AP1M1: variants seen among roughly 807,000 people sequenced by gnomAD.
The protein encoded by AP1M1 is AP-1 complex subunit mu-1.
AP1M1 carries 18 observed loss-of-function variants against 57.1 expected under a neutral mutation model. The observed-to-expected ratio is 0.32, with a 90% CI of 0.22 to 0.47. AP1M1 has a LOEUF of 0.47. Ranked by LOEUF, AP1M1 falls within the 20% of genes least tolerant of loss-of-function variation. The pLI, the probability that AP1M1 is intolerant of heterozygous loss-of-function variation, is 1.00. For synonymous variants in AP1M1, 241 were observed against 237.9 expected (o/e 1.01, Z -0.12); for missense variants, 362 against 593.5 (o/e 0.61, Z 4.05).
intron 5 of AP1M1, among the ~76,000 whole-genome samples, chr19:16,210,113 C>T (rs1415111841): frequency 1.3e-5 from 2 of 152,148 alleles, no homozygotes; most frequent in African/African-American, 4.8e-5. Context: ...GTATGAATGG[C>T]GTCATACAGT....
rs71178661 is a variant in AP1M1, at chr19:16,239,239, C to CTTTTTTTTTTTTTT, written c.*4831_*4844dup. 13 of 39,284 alleles carry CTTTTTTTTTTTTTT rather than the reference C, an allele frequency of 3.3e-4. No homozygotes were observed. Among genetic ancestry groups the CTTTTTTTTTTTTTT allele is most frequent in the African/African-American group, 1.2e-3 (13 of 11,282 alleles). 2.4% of individuals were successfully genotyped at this position (39,284 alleles called of 1,614,324 possible). On this transcript the variant is annotated 3_prime_UTR_variant, in exon 12 of 12. Coordinates refer to ENST00000291439, the MANE Select transcript of AP1M1 (RefSeq NM_032493.4). ...TGAGCCACCGCGCCCGGCCAGTTCT[C>CTTTTTTTTTTTTTT]TTTTTTTTTTTTTTTTTTTTTTTTT...
chr19:16,228,886 C>T lies in AP1M1; in HGVS notation c.1005C>T (p.Val335=). The part of the protein sequence containing the change: ...FKTTVGSVKW[V]PENSEIVWSI... ...CGACGGTGGGGAGCGTTAAGTGGGT[C>T]CCCGAGAACAGCGAGATCGTGTGGT... is the stretch of plus-strand genomic sequence containing the variant. Residue 335 remains valine, a synonymous_variant, in exon 9 of 12, where the codon GTC becomes GTT. Transcript: ENST00000291439. This position sits in a 1 kb window ranked among gnomAD's most constrained non-coding sequence, Gnocchi z 5.0. 4 of 1,614,142 alleles carry T rather than the reference C, an allele frequency of 2.5e-6. No individual in the cohort carries two copies. The highest frequency in any genetic ancestry group is 1.1e-5 in the South Asian group (1 of 91,078).
rs552331667 is a variant in AP1M1, at chr19:16,211,294, A to C, written c.546+2117A>C. Among the ~76,000 whole-genome samples the C allele has an allele frequency of 2.6e-5, 4 of 151,992 alleles. No homozygotes were observed. In the East Asian group the frequency reaches 7.8e-4, roughly 29 times the overall value. On this transcript the variant is annotated intron_variant, in intron 5 of 11. Coordinates refer to ENST00000291439, the MANE Select transcript of AP1M1 (RefSeq NM_032493.4). ...TTTTTAGTCGAGACAGGGTTTCACT[A>C]TGTTGGTCAGGGTGGTATCGAACTC...
At chr19:16,223,297 C>T (rs2091554113) in intron 5 of AP1M1, among the ~76,000 whole-genome samples, 1 of 152,158 alleles carries the variant, frequency 6.6e-6, no homozygotes, top group South Asian at 2.1e-4. Context: ...TTCTCAAACT[C>T]TTTCGTAAGT....
chr19:16,217,156 C>T (rs2091522503), intron 5 of AP1M1, among the ~76,000 whole-genome samples: 1 of 152,096 alleles, frequency 6.6e-6, no homozygotes, highest in African/African-American at 2.4e-5. Flanking sequence ...ACACTGGCAG[C>T]AGTGGCTGCT....
chr19:16,229,914 T>A (rs2091588806), intron 9 of AP1M1, among the ~76,000 whole-genome samples: 1 of 152,246 alleles, frequency 6.6e-6, no homozygotes, highest in South Asian at 2.1e-4. Context: ...ACTGTCTTCT[T>A]GGCGGTCACC....
intron 5 of AP1M1, among the ~76,000 whole-genome samples, 195 bp from the exon 6 acceptor site, chr19:16,226,226 G>A (rs558832246): frequency 3.9e-5 from 6 of 152,302 alleles, no homozygotes; most frequent in South Asian, 2.1e-4. Context: ...TCAGCCAGGC[G>A]TGGGTTGGTG....
chr19:16,216,694 A>G (rs1159379178), intron 5 of AP1M1, among the ~76,000 whole-genome samples: 1 of 152,178 alleles, frequency 6.6e-6, no homozygotes, highest in Non-Finnish European at 1.5e-5. Context: ...GGAAGATTTT[A>G]GGGGACCAAG....
At chr19:16,229,557 C>T (rs1314584127) in intron 9 of AP1M1, among the ~76,000 whole-genome samples, 3 of 152,192 alleles carry the variant, frequency 2.0e-5, no homozygotes, top group African/African-American at 7.2e-5. Context: ...TCAGGGCAGG[C>T]GCTGCTTTCC....
At chr19:16,223,483 G>C (rs896400680) in intron 5 of AP1M1, among the ~76,000 whole-genome samples, 1 of 152,198 alleles carries the variant, frequency 6.6e-6, no homozygotes, top group Non-Finnish European at 1.5e-5. Context: ...CCACTTCCCA[G>C]CCCACATGGA....
Position 16,243,432 on chromosome 19 carries a change from C to CTTTTTTTTT in AP1M1, c.*8998_*8999insTTTTTTTTT, listed in dbSNP as rs550578052. On this transcript the variant is annotated 3_prime_UTR_variant, in exon 12 of 12. Transcript: ENST00000291439. ...TACAGGTGAGCACCACCAAGCTCAG[C>CTTTTTTTTT]TATTTTTTTTTTTTTTTTGTATTTT... 1.6e-5 allele frequency: 2 copies of CTTTTTTTTT among 124,264 alleles called. No homozygotes were observed. The highest frequency in any genetic ancestry group is 1.6e-5 in the Non-Finnish European group (1 of 60,832). 7.7% of individuals were successfully genotyped at this position (124,264 alleles called of 1,614,324 possible). A position where few individuals can be genotyped will look rare whatever the true frequency, so the allele number is the denominator to read the frequency against.
intron 9 of AP1M1, among the ~76,000 whole-genome samples, chr19:16,230,828 C>T (rs12461408): frequency 0.68 from 102,836 of 152,058 alleles, 36,426 homozygotes; most frequent in Non-Finnish European, 0.8. Flanking sequence ...GTCAGTGCTT[C>T]CCATGCATAG....
At chr19:16,210,599 G>A (rs1040510052) in intron 5 of AP1M1, among the ~76,000 whole-genome samples, 3 of 152,108 alleles carry the variant, frequency 2.0e-5, no homozygotes, top group African/African-American at 4.8e-5. Flanking sequence ...CGCTCTTGTC[G>A]CCCAGGCTGG....
At position 16,228,903 on chromosome 19, in the gene AP1M1, T is replaced by C; in HGVS notation, c.1022T>C (p.Ile341Thr). The part of the protein sequence containing the change: ...SVKWVPENSE[I>T]VWSIKSFPGG... Reference sequence around the variant, plus strand: ...AAGTGGGTCCCCGAGAACAGCGAGATCGTGTGGTCCATCAAGTCCTTCCCG... The same window carrying C: ...AAGTGGGTCCCCGAGAACAGCGAGACCGTGTGGTCCATCAAGTCCTTCCCG... The change falls in exon 9 of 12, where the codon ATC becomes ACC. Residue 341 changes from isoleucine to threonine, a missense_variant. Transcript: ENST00000291439. The surrounding 1 kb of genome is among the most constrained non-coding windows in gnomAD (Gnocchi z 5.0). The C allele has an allele frequency of 6.2e-7, 1 of 1,613,540 alleles. No individual in the cohort carries two copies. Among genetic ancestry groups the C allele is most frequent in the Non-Finnish European group, 8.5e-7 (1 of 1,179,824 alleles).
intron 5 of AP1M1, among the ~76,000 whole-genome samples, chr19:16,222,101 C>G (rs927066856): frequency 1.3e-5 from 2 of 152,058 alleles, no homozygotes; most frequent in Admixed American, 6.6e-5. Context: ...CTTTTCTTCT[C>G]TCTGTTAGAT....
chr19:16,219,883 C>A, intron 5 of AP1M1, among the ~76,000 whole-genome samples: 1 of 152,054 alleles, frequency 6.6e-6, no homozygotes, highest in East Asian at 1.9e-4. Context: ...GATTTTGGAG[C>A]ATTTTGGATT....
rs902515752 is a variant in AP1M1 at position 16,241,991 on chromosome 19, CA to C, written c.*7567del. 113 of 133,878 alleles carry C rather than the reference CA, an allele frequency of 8.4e-4. No individual in the cohort carries two copies. Among genetic ancestry groups the C allele is most frequent in the Admixed American group, 1.1e-3 (14 of 12,824 alleles). The allele number at this position is 133,878 out of a possible 1,614,324, so 8.3% of individuals were successfully genotyped here. ...CTGGGCAATGAGCGAAACTCCATCT[CA>C]AAAAAAAAAAGAAAGAAAAAGAAAA... On this transcript the variant is annotated 3_prime_UTR_variant, in exon 12 of 12. Transcript: ENST00000291439.
chr19:16,223,109 T>C (rs67438369), intron 5 of AP1M1, among the ~76,000 whole-genome samples: 16,660 of 152,120 alleles, frequency 0.11, 1,130 homozygotes, highest in East Asian at 0.32. Context: ...ATATGGGAAA[T>C]ATTGATATTT....
Position 16,203,025 on chromosome 19 carries a change from C to T in AP1M1, c.43-434C>T, listed in dbSNP as rs964747445. On this transcript the variant is annotated intron_variant, in intron 1 of 11. Transcript: ENST00000291439. The surrounding 1 kb of genome is among the most constrained non-coding windows in gnomAD (Gnocchi z 4.6). ...GAGAGACCAGGAAGAGGGCTTCTCCCTTCAGGCCACCTGTGGACTTCAGTA... is the reference window on the plus strand; with the variant it reads ...GAGAGACCAGGAAGAGGGCTTCTCCTTTCAGGCCACCTGTGGACTTCAGTA... 14 of 204,420 alleles carry T rather than the reference C, an allele frequency of 6.8e-5. No homozygotes were observed. Among genetic ancestry groups the T allele is most frequent in the Non-Finnish European group, 1.4e-4 (14 of 98,518 alleles). The allele number at this position is 204,420 out of a possible 1,614,324, so 12.7% of individuals were successfully genotyped here. A position where few individuals can be genotyped will look rare whatever the true frequency, so the allele number is the denominator to read the frequency against.
Sources: gnomAD v4.1 joint callset for allele counts (sites outside exome capture counted in the v4.1 genomes callset) on GRCh38, gnomAD v4.1.1 for gene constraint, Gnocchi (gnomAD v3.1) non-coding constraint, MANE v1.5 for transcripts, NCBI Gene and HGNC (gene_info 2026-07-23, HGNC 2026-07-21) for gene names.